TAFA1: variants seen among roughly 807,000 people sequenced by gnomAD.
The protein encoded by TAFA1 is chemokine-like protein TAFA-1.
A neutral mutation model predicts 18.5 loss-of-function variants in TAFA1; 4 were observed. The observed-to-expected ratio is 0.22, with a 90% CI of 0.11 to 0.49. The LOEUF is 0.49. Ranked by LOEUF, TAFA1 falls within the 20% of genes least tolerant of loss-of-function variation. The probability of loss-of-function intolerance (pLI) is 0.98; values close to 1 mark genes in which losing one functional copy is unlikely to be tolerated. For missense variants in TAFA1, 147 were observed against 169.0 expected (o/e 0.87, Z 0.72); for synonymous variants, 56 against 55.2 (o/e 1.01, Z -0.06).
At chr3:68,534,892 A>T (rs746341415) in intron 3 of TAFA1, among the ~76,000 whole-genome samples, 6 of 152,180 alleles carry the variant, frequency 3.9e-5, no homozygotes, top group Non-Finnish European at 8.8e-5. Context: ...AACACCAAAA[A>T]AAAAATGCAA....
chr3:68,442,146 T>A (rs1416625894), intron 3 of TAFA1, among the ~76,000 whole-genome samples: 2 of 152,166 alleles, frequency 1.3e-5, no homozygotes, highest in Non-Finnish European at 2.9e-5. Context: ...TCAATTTTTT[T>A]AATTAGTCCA....
At chr3:68,142,492 C>T (rs898518829) in intron 2 of TAFA1, among the ~76,000 whole-genome samples, 7 of 152,222 alleles carry the variant, frequency 4.6e-5, no homozygotes, top group Non-Finnish European at 1.0e-4. Flanking sequence ...CATGTGCAGT[C>T]CTTGAACGTT....
chr3:68,086,917 C>T (rs1285317816), intron 2 of TAFA1, among the ~76,000 whole-genome samples: 1 of 152,134 alleles, frequency 6.6e-6, no homozygotes, highest in African/African-American at 2.4e-5. Flanking sequence ...GATGTTAGAG[C>T]ATTATTTTCC....
At chr3:68,390,399 C>A (rs1179288613) in intron 2 of TAFA1, among the ~76,000 whole-genome samples, 1 of 152,176 alleles carries the variant, frequency 6.6e-6, no homozygotes, top group Admixed American at 6.5e-5. Context: ...GGACAGAGCA[C>A]CTATGGGAAG....
At chr3:68,221,551 C>G (rs1029866593) in intron 2 of TAFA1, among the ~76,000 whole-genome samples, 2 of 152,184 alleles carry the variant, frequency 1.3e-5, no homozygotes, top group Non-Finnish European at 2.9e-5. Context: ...AATATTGTTT[C>G]TGTTCCTAAA....
At chr3:68,405,582 T>C (rs1318341671) in intron 2 of TAFA1, among the ~76,000 whole-genome samples, 1 of 150,894 alleles carries the variant, frequency 6.6e-6, no homozygotes, top group East Asian at 2.0e-4. Context: ...TTCTTGCAGT[T>C]CCAGCTACAT....
chr3:68,466,375 CA>C (rs2071884721), intron 3 of TAFA1, among the ~76,000 whole-genome samples: 1 of 152,072 alleles, frequency 6.6e-6, no homozygotes. Context: ...CCTCTGAGGT[CA>C]GAAGATTGTT....
intron 2 of TAFA1, among the ~76,000 whole-genome samples, chr3:68,201,408 G>C (rs2066468544): frequency 6.6e-6 from 1 of 151,642 alleles, no homozygotes; most frequent in Admixed American, 6.6e-5. Flanking sequence ...CACTTGTGGT[G>C]GTGGTGAATT....
At chr3:68,445,831 AG>A (rs2071466293) in intron 3 of TAFA1, among the ~76,000 whole-genome samples, 1 of 152,170 alleles carries the variant, frequency 6.6e-6, no homozygotes. Flanking sequence ...AGCCTAAAGC[AG>A]AAGTTGGGAG....
intron 2 of TAFA1, among the ~76,000 whole-genome samples, chr3:68,071,819 G>T (rs966571493): frequency 6.6e-6 from 1 of 152,112 alleles, no homozygotes; most frequent in African/African-American, 2.4e-5. Flanking sequence ...AAGGCAAAGC[G>T]AGGAAGAGGC....
chr3:68,136,948 C>T (rs913325490), intron 2 of TAFA1, among the ~76,000 whole-genome samples: 5 of 152,140 alleles, frequency 3.3e-5, no homozygotes, highest in African/African-American at 7.2e-5. Flanking sequence ...GGACTGTCAG[C>T]AGCCACTCAG....
At chr3:68,368,147 A>G (rs924028336) in intron 2 of TAFA1, among the ~76,000 whole-genome samples, 2 of 152,192 alleles carry the variant, frequency 1.3e-5, no homozygotes, top group African/African-American at 4.8e-5. Context: ...CCCAAGTGAA[A>G]AACCTCAGGA....
At chr3:68,337,589 A>T (rs923160093) in intron 2 of TAFA1, among the ~76,000 whole-genome samples, 1 of 152,238 alleles carries the variant, frequency 6.6e-6, no homozygotes, top group Non-Finnish European at 1.5e-5. Flanking sequence ...TGTTATCACC[A>T]AAATTCAGGT....
At chr3:68,395,853 T>G (rs78845810) in intron 2 of TAFA1, among the ~76,000 whole-genome samples, 4,759 of 149,730 alleles carry the variant, frequency 0.032, 100 homozygotes, top group East Asian at 0.094. Context: ...ATACCTAATG[T>G]AGATGACAGG....
At chr3:68,076,655 G>A (rs1434989691) in intron 2 of TAFA1, among the ~76,000 whole-genome samples, 7 of 152,274 alleles carry the variant, frequency 4.6e-5, no homozygotes, top group Admixed American at 1.3e-4. Flanking sequence ...TTTTATGGCT[G>A]TATAGTATTC....
rs567238391 is a variant in TAFA1, at chr3:68,147,344, T to A, written c.118+140600T>A. Among the ~76,000 whole-genome samples, 629 of 152,038 alleles carry A rather than the reference T, an allele frequency of 4.1e-3. 1 individual carries two copies. The highest frequency in any genetic ancestry group is 7.1e-3 in the Non-Finnish European group (483 of 67,974). On this transcript the variant is annotated intron_variant, in intron 2 of 4. Coordinates refer to ENST00000478136, the MANE Select transcript of TAFA1 (RefSeq NM_213609.4). ...ATCCAAAATAGTTGATCTTCAATAGTTTACCCGCCCCTGCCTCTCCCAAGA... is the reference window on the plus strand; with the variant it reads ...ATCCAAAATAGTTGATCTTCAATAGATTACCCGCCCCTGCCTCTCCCAAGA...
intron 2 of TAFA1, among the ~76,000 whole-genome samples, chr3:68,389,115 A>G (rs910774934): frequency 2.6e-5 from 4 of 152,208 alleles, no homozygotes; most frequent in African/African-American, 9.6e-5. Flanking sequence ...AAGTTCATCC[A>G]TGTAGGTTGA....
At chr3:68,308,898 A>G (rs2068468712) in intron 2 of TAFA1, among the ~76,000 whole-genome samples, 1 of 152,170 alleles carries the variant, frequency 6.6e-6, no homozygotes. Flanking sequence ...TAGCCTACAC[A>G]GCTTGAATGA....
intron 2 of TAFA1, among the ~76,000 whole-genome samples, chr3:68,271,213 G>T (rs539443432): frequency 2.0e-5 from 3 of 152,138 alleles, no homozygotes; most frequent in African/African-American, 7.2e-5. Flanking sequence ...GAGGGTGCAA[G>T]GATGACCATT....
Sources: gnomAD v4.1 joint callset for allele counts (sites outside exome capture counted in the v4.1 genomes callset) on GRCh38, gnomAD v4.1.1 for gene constraint, MANE v1.5 for transcripts, NCBI Gene and HGNC (gene_info 2026-07-23, HGNC 2026-07-21) for gene names.